The following OPCML variants were observed in gnomAD, a reference collection of about 807,000 sequenced individuals.
OPCML encodes opioid binding protein/cell adhesion molecule like, also known as opioid-binding protein/cell adhesion molecule.
A neutral mutation model predicts 37.8 loss-of-function variants in OPCML; 13 were observed. That is an observed-to-expected ratio of 0.34 (90% CI 0.22 to 0.55). The LOEUF (loss-of-function observed/expected upper bound fraction) is 0.55. Ranked by LOEUF, OPCML falls within the 20% of genes least tolerant of loss-of-function variation. The pLI is 0.91. For missense variants in OPCML, 341 were observed against 435.6 expected (o/e 0.78, Z 1.93); for synonymous variants, 176 against 168.8 (o/e 1.04, Z -0.33).
chr11:133,413,675 C>T (rs1945699628), intron 1 of OPCML, among the ~76,000 whole-genome samples: 1 of 152,152 alleles, frequency 6.6e-6, no homozygotes, highest in Non-Finnish European at 1.5e-5. Flanking sequence ...GCCTGCATGT[C>T]TTTCCCTCTC....
chr11:132,449,815 C>T lies in OPCML; in HGVS notation c.506-12456G>A, dbSNP rs566448516. On this transcript the variant is annotated intron_variant, in intron 4 of 7. Coordinates refer to ENST00000524381, the MANE Select transcript of OPCML (RefSeq NM_001012393.5). ...TCTTTATCTGCAAAACGAGGGGATC[C>T]GGCCAGCTCATTTCTTAGGTCGCTC... is the stretch of plus-strand genomic sequence containing the variant. 2.8e-4 allele frequency among the ~76,000 whole-genome samples: 42 copies of T among 152,266 alleles called. 1 individual carries two copies. In the South Asian group the frequency reaches 7.7e-3, roughly 28 times the overall value.
chr11:132,717,691 G>A (rs1420733964), intron 2 of OPCML, among the ~76,000 whole-genome samples: 1 of 152,116 alleles, frequency 6.6e-6, no homozygotes, highest in Non-Finnish European at 1.5e-5. Context: ...TCAGAAAATA[G>A]AAAGAAAGGA....
chr11:132,963,742 C>T (rs1045287145), intron 1 of OPCML, among the ~76,000 whole-genome samples: 5 of 146,270 alleles, frequency 3.4e-5, no homozygotes, highest in African/African-American at 1.2e-4. Context: ...TCTTCCTATC[C>T]GTATTACGAT....
chr11:132,815,897 A>G (rs768616150), intron 2 of OPCML, among the ~76,000 whole-genome samples: 1 of 152,238 alleles, frequency 6.6e-6, no homozygotes, highest in Non-Finnish European at 1.5e-5. Flanking sequence ...CTTGCTGCAA[A>G]GCAGAGATGT....
intron 2 of OPCML, among the ~76,000 whole-genome samples, chr11:132,917,518 T>G (rs1196095725): frequency 1.3e-5 from 2 of 152,192 alleles, no homozygotes; most frequent in Admixed American, 6.5e-5. Flanking sequence ...AACATTGGCC[T>G]AGCAATTAAT....
At chr11:132,591,472 A>G (rs1297902844) in intron 3 of OPCML, among the ~76,000 whole-genome samples, 1 of 152,198 alleles carries the variant, frequency 6.6e-6, no homozygotes, top group African/African-American at 2.4e-5. Context: ...CTTTAGCAAT[A>G]TTAAGTACCT....
chr11:132,870,064 C>T (rs1409271025), intron 2 of OPCML, among the ~76,000 whole-genome samples: 1 of 152,146 alleles, frequency 6.6e-6, no homozygotes, highest in Non-Finnish European at 1.5e-5. Context: ...CTACTACACA[C>T]TAGATTTCTT....
intron 1 of OPCML, among the ~76,000 whole-genome samples, chr11:133,341,689 C>T (rs746843389): frequency 3.0e-4 from 45 of 152,142 alleles, no homozygotes; most frequent in Middle Eastern, 3.2e-3. Context: ...GAGGCCAAGG[C>T]AGGTGGATCA....
At chr11:133,111,666 C>T (rs1432294739) in intron 1 of OPCML, among the ~76,000 whole-genome samples, 2 of 152,226 alleles carry the variant, frequency 1.3e-5, no homozygotes, top group Non-Finnish European at 2.9e-5. Flanking sequence ...CCTAGGAAAA[C>T]AATGAACTTT....
intron 2 of OPCML, among the ~76,000 whole-genome samples, chr11:132,821,754 T>A (rs1232279439): frequency 6.6e-6 from 1 of 152,130 alleles, no homozygotes; most frequent in Non-Finnish European, 1.5e-5. Flanking sequence ...CTTTCCATCT[T>A]CCAGCCTTCT....
At chr11:132,858,773 C>T (rs1451580814) in intron 2 of OPCML, among the ~76,000 whole-genome samples, 2 of 152,156 alleles carry the variant, frequency 1.3e-5, no homozygotes, top group Non-Finnish European at 2.9e-5. Flanking sequence ...CAGTGTAAGC[C>T]ACGTTATTAT....
At chr11:133,495,016 ATATGCTG>A (rs1237366009) in intron 1 of OPCML, among the ~76,000 whole-genome samples, 1 of 151,934 alleles carries the variant, frequency 6.6e-6, no homozygotes, top group Non-Finnish European at 1.5e-5. Context: ...CCCAAGCAGT[ATATGCTG>A]TACCATATTT....
At chr11:132,519,063 G>T (rs1441540043) in intron 4 of OPCML, among the ~76,000 whole-genome samples, 1 of 152,172 alleles carries the variant, frequency 6.6e-6, no homozygotes, top group Non-Finnish European at 1.5e-5. Flanking sequence ...ATTTCCAGCT[G>T]TCCCATTTCT....
At chr11:132,949,941 G>A (rs1287654440) in intron 1 of OPCML, among the ~76,000 whole-genome samples, 1 of 152,122 alleles carries the variant, frequency 6.6e-6, no homozygotes, top group Non-Finnish European at 1.5e-5. Flanking sequence ...CAAATAGCCA[G>A]GGGAAGCCTC....
At chr11:133,011,720 C>A (rs563105641) in intron 1 of OPCML, among the ~76,000 whole-genome samples, 2 of 152,116 alleles carry the variant, frequency 1.3e-5, no homozygotes, top group South Asian at 2.1e-4. Flanking sequence ...GGAAGACAGG[C>A]AGTCAGGAGC....
chr11:132,974,479 G>A (rs1350309882), intron 1 of OPCML, among the ~76,000 whole-genome samples: 1 of 152,122 alleles, frequency 6.6e-6, no homozygotes, highest in South Asian at 2.1e-4. Flanking sequence ...TTAGAATGGC[G>A]ATCATTAAAA....
intron 7 of OPCML, among the ~76,000 whole-genome samples, chr11:132,429,132 G>C (rs924603765): frequency 9.9e-5 from 15 of 152,110 alleles, no homozygotes; most frequent in Admixed American, 9.2e-4. Flanking sequence ...GCCCAGCCTG[G>C]TGGATGCAGG....
intron 2 of OPCML, among the ~76,000 whole-genome samples, chr11:132,666,355 C>G (rs1240066551): frequency 6.6e-6 from 1 of 152,118 alleles, no homozygotes; most frequent in African/African-American, 2.4e-5. Flanking sequence ...AAACAACCAG[C>G]TCTCTTGTGA....
chr11:132,668,177 T>C (rs1942304440), intron 2 of OPCML, among the ~76,000 whole-genome samples: 1 of 152,152 alleles, frequency 6.6e-6, no homozygotes, highest in Admixed American at 6.5e-5. Context: ...TGAGCAATAG[T>C]CACCCTTGTC....
Sources: gnomAD v4.1 joint callset for allele counts (sites outside exome capture counted in the v4.1 genomes callset) on GRCh38, gnomAD v4.1.1 for gene constraint, MANE v1.5 for transcripts, NCBI Gene and HGNC (gene_info 2026-07-23, HGNC 2026-07-21) for gene names.